Variants in FAM210A observed in about 807,000 individuals in gnomAD.
FAM210A encodes the protein family with sequence similarity 210 member A.
A neutral mutation model predicts 25.3 loss-of-function variants in FAM210A; 13 were observed. The observed-to-expected ratio is 0.51, with a 90% CI of 0.33 to 0.82. The LOEUF (loss-of-function observed/expected upper bound fraction) is 0.82, where lower values mean the gene tolerates loss of function less well. Among genes scored for constraint, FAM210A ranks in the 40% least tolerant of loss-of-function variants. FAM210A has a pLI of 0.02. For missense variants in FAM210A, 319 were observed against 323.2 expected, an observed-to-expected ratio of 0.99 and a Z score of 0.10; for synonymous variants, 125 against 118.7, an observed-to-expected ratio of 1.05 and a Z score of -0.35.
chr18:13,691,266 A>T (rs2043642044), intron 1 of FAM210A, among the ~76,000 whole-genome samples: 1 of 152,232 alleles, frequency 6.6e-6, no homozygotes, highest in South Asian at 2.1e-4. Context: ...TGAAAAGACC[A>T]AATCTACGTC....
intron 1 of FAM210A, among the ~76,000 whole-genome samples, chr18:13,704,578 T>C (rs1435886123): frequency 6.6e-6 from 1 of 152,178 alleles, no homozygotes; most frequent in South Asian, 2.1e-4. Flanking sequence ...AGCTTCAAAA[T>C]TGTCTTTTCT....
chr18:13,706,421 C>G (rs908842552), intron 1 of FAM210A, among the ~76,000 whole-genome samples: 20 of 152,062 alleles, frequency 1.3e-4, no homozygotes, highest in African/African-American at 4.8e-4. Context: ...TGCAGCCAGC[C>G]TTATATATGG....
At chr18:13,678,444 C>G (rs977197115) in intron 2 of FAM210A, among the ~76,000 whole-genome samples, 3 of 151,942 alleles carry the variant, frequency 2.0e-5, no homozygotes, top group African/African-American at 7.3e-5. Context: ...AATGCACCAC[C>G]ATGCCTGGCT....
At position 13,665,942 on chromosome 18, in the gene FAM210A, A is replaced by G. The variant is rs907395460; in HGVS notation, c.*538T>C. The G allele has an allele frequency of 1.3e-5, 2 of 153,100 alleles. No homozygotes were observed. Among genetic ancestry groups the G allele is most frequent in the Non-Finnish European group, 2.9e-5 (2 of 68,664 alleles). 9.5% of individuals were successfully genotyped at this position (153,100 alleles called of 1,614,324 possible). A position where few individuals can be genotyped will look rare whatever the true frequency, so the allele number is the denominator to read the frequency against. ...ACTGGATCTTTATTCTATTTTCTTC[A>G]TATAAGATATTTTAACTGGTAGGTA... On this transcript the variant is annotated 3_prime_UTR_variant, in exon 4 of 4. Coordinates refer to ENST00000651643, the MANE Select transcript of FAM210A (RefSeq NM_152352.4).
chr18:13,663,433 T>C lies in FAM210A; in HGVS notation c.*3047A>G, dbSNP rs934897150. ...GCATTCTTTTTCTCCTTTCTTGAAA[T>C]CTGTAAACAGCACCCTGCTGTATGT... On this transcript the variant is annotated 3_prime_UTR_variant, in exon 4 of 4. Coordinates refer to ENST00000651643, the MANE Select transcript of FAM210A (RefSeq NM_152352.4). 2.6e-5 allele frequency: 4 copies of C among 152,026 alleles called. No homozygotes were observed. Among genetic ancestry groups the C allele is most frequent in the African/African-American group, 9.7e-5 (4 of 41,380 alleles). The allele number at this position is 152,026 out of a possible 1,614,324, so 9.4% of individuals were successfully genotyped here. A position where few individuals can be genotyped will look rare whatever the true frequency, so the allele number is the denominator to read the frequency against.
intron 1 of FAM210A, among the ~76,000 whole-genome samples, chr18:13,700,376 T>C (rs1446465251): frequency 1.3e-5 from 2 of 152,186 alleles, no homozygotes; most frequent in Non-Finnish European, 2.9e-5. Context: ...TCACATAGCA[T>C]GCTGAACCAC....
At position 13,681,915 on chromosome 18, in the gene FAM210A, A is replaced by G. The variant is rs189782979; in HGVS notation, c.163T>C (p.Trp55Arg). ...CACTGGGCAGCAGATAAATGCAACCATTGTTTTTGAGGGCCTTGTACCAAA... is the reference window on the plus strand; with the variant it reads ...CACTGGGCAGCAGATAAATGCAACCGTTGTTTTTGAGGGCCTTGTACCAAA... ...VVLVQGPQKQ[W>R]LHLSAAQCVA... The change falls in exon 2 of 4, where the codon TGG becomes CGG. Residue 55 changes from tryptophan to arginine, a missense_variant. Trp to Arg is a moderately radical substitution (Grantham distance 101). Coordinates refer to ENST00000651643, the MANE Select transcript of FAM210A (RefSeq NM_152352.4). The G allele has an allele frequency of 3.8e-5, 62 of 1,614,178 alleles. 1 individual carries two copies. The East Asian group carries it at 1.0e-3, about 26-fold the overall frequency.
chr18:13,707,671 A>G (rs2043789485), intron 1 of FAM210A, among the ~76,000 whole-genome samples: 1 of 152,258 alleles, frequency 6.6e-6, no homozygotes, highest in South Asian at 2.1e-4. Context: ...TCTACATTTG[A>G]GTCCTTGTGG....
intron 1 of FAM210A, among the ~76,000 whole-genome samples, chr18:13,713,555 T>G (rs2043837265): frequency 6.6e-6 from 1 of 152,218 alleles, no homozygotes; most frequent in South Asian, 2.1e-4. Flanking sequence ...ATTTGCAGTT[T>G]CTGAAGGTAA....
chr18:13,694,363 C>G (rs1177970950), intron 1 of FAM210A, among the ~76,000 whole-genome samples: 1 of 152,188 alleles, frequency 6.6e-6, no homozygotes, highest in African/African-American at 2.4e-5. Flanking sequence ...TTGGAAAAAA[C>G]TACTTTAAAG....
At position 13,664,302 on chromosome 18, in the gene FAM210A, T is replaced by C. The variant is rs1470896247; in HGVS notation, c.*2178A>G. On this transcript the variant is annotated 3_prime_UTR_variant, in exon 4 of 4. Coordinates refer to ENST00000651643, the MANE Select transcript of FAM210A (RefSeq NM_152352.4). ...ATGTCTATGCAGGAAAAGCAAATTT[T>C]AGTTTCAGGATTATTAGTAATAAGA... 1 of 152,230 alleles carries C rather than the reference T, an allele frequency of 6.6e-6. No homozygotes were observed. Among genetic ancestry groups the C allele is most frequent in the East Asian group, 1.9e-4 (1 of 5,202 alleles). The allele number at this position is 152,230 out of a possible 1,614,324, so 9.4% of individuals were successfully genotyped here.
rs374712770 is a variant in FAM210A, at chr18:13,664,539, T to C, written c.*1941A>G. On this transcript the variant is annotated 3_prime_UTR_variant, in exon 4 of 4. Coordinates refer to ENST00000651643, the MANE Select transcript of FAM210A (RefSeq NM_152352.4). ...AAATACTTAAAAAACATGTTAATCATGTTTAGATTTGAAAATGTGGCATCA... is the reference window on the plus strand; with the variant it reads ...AAATACTTAAAAAACATGTTAATCACGTTTAGATTTGAAAATGTGGCATCA... 6 of 152,340 alleles carry C rather than the reference T, an allele frequency of 3.9e-5. No homozygotes were observed. In the East Asian group the frequency reaches 9.6e-4, roughly 24 times the overall value. 9.4% of individuals were successfully genotyped at this position (152,340 alleles called of 1,614,324 possible). A position where few individuals can be genotyped will look rare whatever the true frequency, so the allele number is the denominator to read the frequency against.
chr18:13,687,870 C>G (rs990265786), intron 1 of FAM210A: 1 of 152,158 alleles, frequency 6.6e-6, no homozygotes, highest in African/African-American at 2.4e-5. Flanking sequence ...GCCCATCAGT[C>G]AAATTCTTTC....
At chr18:13,702,301 T>C (rs1448449724) in intron 1 of FAM210A, among the ~76,000 whole-genome samples, 3 of 152,356 alleles carry the variant, frequency 2.0e-5, no homozygotes, top group African/African-American at 4.8e-5. Flanking sequence ...ATGAGGCTAG[T>C]CTTAAGCTGC....
At chr18:13,670,802 C>T (rs1490228662) in intron 3 of FAM210A, 1 of 152,338 alleles carries the variant, frequency 6.6e-6, no homozygotes, top group Non-Finnish European at 1.5e-5. Flanking sequence ...TGAGACCAGC[C>T]TGACCAACAT....
chr18:13,709,283 C>T (rs1029260413), intron 1 of FAM210A, among the ~76,000 whole-genome samples: 3 of 152,142 alleles, frequency 2.0e-5, no homozygotes, highest in African/African-American at 7.2e-5. Flanking sequence ...GTAATCTGTA[C>T]CCCCTCCACA....
At chr18:13,706,352 T>TGG (rs35089359) in intron 1 of FAM210A, among the ~76,000 whole-genome samples, 5,768 of 146,958 alleles carry the variant, frequency 0.039, 143 homozygotes, top group Middle Eastern at 0.078. Flanking sequence ...GAAATGAAAA[T>TGG]GGGGGGGGGT....
At chr18:13,692,756 A>G (rs1027631863) in intron 1 of FAM210A, among the ~76,000 whole-genome samples, 5 of 152,372 alleles carry the variant, frequency 3.3e-5, no homozygotes, top group African/African-American at 1.2e-4. Flanking sequence ...CAGTGTGTAG[A>G]GGGAAATTTA....
intron 1 of FAM210A, among the ~76,000 whole-genome samples, chr18:13,690,078 G>A (rs894359971): frequency 2.0e-5 from 3 of 152,190 alleles, no homozygotes; most frequent in Non-Finnish European, 4.4e-5. Flanking sequence ...CTTTTCCAAC[G>A]GCCTTAGCAA....
Sources: allele counts gnomAD v4.1 joint callset (sites outside exome capture counted in the v4.1 genomes callset), GRCh38; gene constraint gnomAD v4.1.1; transcripts MANE v1.5; gene names NCBI Gene and HGNC (gene_info 2026-07-23, HGNC 2026-07-21).